The following MCM9 variants were observed in gnomAD, a reference collection of about 807,000 sequenced individuals.
The protein encoded by MCM9 is DNA helicase MCM9.
Under a neutral mutation model 72.8 loss-of-function variants are expected in MCM9, and 55 were observed. The ratio of observed to expected loss-of-function variants is 0.76; its 90% CI spans 0.61 to 0.95. MCM9 has a LOEUF of 0.95. Among genes scored for constraint, MCM9 ranks in the 40% least tolerant of loss-of-function variants. The pLI is 0.00. For synonymous variants in MCM9, 480 were observed against 503.4 expected, an observed-to-expected ratio of 0.95 and a Z score of 0.62; for missense variants, 1,279 against 1,377.0, an observed-to-expected ratio of 0.93 and a Z score of 1.13.
intron 9 of MCM9, among the ~76,000 whole-genome samples, chr6:118,840,475 A>T (rs939538607): frequency 2.6e-5 from 4 of 152,136 alleles, no homozygotes; most frequent in Non-Finnish European, 5.9e-5. Flanking sequence ...GCTACGGCAA[A>T]ACCTATCCCA....
At chr6:118,835,211 T>A (rs762267325) in intron 9 of MCM9, among the ~76,000 whole-genome samples, 1 of 152,194 alleles carries the variant, frequency 6.6e-6, no homozygotes, top group Non-Finnish European at 1.5e-5. Flanking sequence ...GGTCTATATA[T>A]CTGTTTTTGG....
chr6:118,877,277 A>T (rs1226429435), intron 8 of MCM9, among the ~76,000 whole-genome samples: 1 of 152,248 alleles, frequency 6.6e-6, no homozygotes, highest in Non-Finnish European at 1.5e-5. Flanking sequence ...CAAATTGCAG[A>T]TCTGTAAACA....
At chr6:118,895,867 C>T (rs1779362631) in intron 8 of MCM9, among the ~76,000 whole-genome samples, 1 of 151,932 alleles carries the variant, frequency 6.6e-6, no homozygotes, top group African/African-American at 2.4e-5. Context: ...TTTTTAATCT[C>T]TAAAATGTAT....
chr6:118,852,661 G>A (rs1330007490), intron 9 of MCM9, among the ~76,000 whole-genome samples: 1 of 152,132 alleles, frequency 6.6e-6, no homozygotes, highest in Admixed American at 6.5e-5. Context: ...AACTTCAATA[G>A]CAACTGGGCA....
intron 9 of MCM9, among the ~76,000 whole-genome samples, chr6:118,845,138 A>G (rs1775769434): frequency 6.6e-6 from 1 of 151,778 alleles, no homozygotes; most frequent in South Asian, 2.1e-4. Context: ...AGGAAGGAGA[A>G]CTCATCTACT....
At chr6:118,893,940 TC>T (rs1779139757) in intron 8 of MCM9, 1 of 891,084 alleles carries the variant, frequency 1.1e-6, no homozygotes, top group South Asian at 5.0e-5. Context: ...CAGCCACGCC[TC>T]CCCGCCGCGG....
intron 13 of MCM9, among the ~76,000 whole-genome samples, chr6:118,820,216 G>A (rs977346753): frequency 2.6e-5 from 4 of 151,844 alleles, no homozygotes; most frequent in African/African-American, 9.7e-5. Context: ...GTGATGTTAG[G>A]GTGTCAATTT....
Position 118,856,508 on chromosome 6 carries a change from C to T in MCM9, c.1188G>A (p.Trp396Ter), listed in dbSNP as rs762984976. The change falls in exon 9 of 14, where the codon TGG (tryptophan) becomes TGA (stop). Residue 396 changes from tryptophan to a stop codon, truncating the protein, a stop_gained. Transcript: ENST00000619706. LOFTEE classifies it high-confidence loss of function. ...TVTAVKDSGE[W>*]NLEAGALVLA... ...GAACTAATGCCCCAGCCTCCAAATT[C>T]CATTCTCCTGAGTCTTTTACAGCAG... 3 of 1,535,650 alleles carry T rather than the reference C, an allele frequency of 2.0e-6. No homozygotes were observed. The South Asian group carries it at 3.6e-5, about 18-fold the overall frequency.
intron 13 of MCM9, 73 bp downstream of exon 13, chr6:118,826,074 A>G: frequency 6.8e-7 from 1 of 1,478,176 alleles, no homozygotes; most frequent in South Asian, 1.3e-5. Context: ...CACTTAATGC[A>G]CACTTGCTTT....
intron 8 of MCM9, chr6:118,894,273 GA>G: frequency 6.8e-7 from 1 of 1,462,744 alleles, no homozygotes; most frequent in Middle Eastern, 2.2e-4. Context: ...ATAAAAAGAG[GA>G]AAAAAGTTTC....
chr6:118,933,158 T>C lies in MCM9; in HGVS notation c.-149-418A>G, dbSNP rs886762418. Among the ~76,000 whole-genome samples the C allele has an allele frequency of 3.3e-5, 5 of 152,070 alleles. No homozygotes were observed. The South Asian group carries it at 1.0e-3, about 32-fold the overall frequency. ...AGGTTAAATTTAAATGAGGTGACGA[T>C]CTCAGAAGTAGCACTGGACAGTTAG... On this transcript the variant is annotated intron_variant, in intron 1 of 13. Coordinates refer to ENST00000619706, the MANE Select transcript of MCM9 (RefSeq NM_017696.3).
rs1773331878 is a variant in MCM9 at position 118,815,222 on chromosome 6, CA to C, written c.3033del (p.Glu1012ArgfsTer9). On this transcript the variant is annotated frameshift_variant, in exon 14 of 14. Coordinates refer to ENST00000619706, the MANE Select transcript of MCM9 (RefSeq NM_017696.3). LOFTEE classifies it low-confidence loss of function (END_TRUNC). ...HGPREKVMCA[P>X]EKRIIQPELE... ...AATTCAGGCTGAATAATCCTCTTCT[CA>C]GGGGCACACATCACCTTCTCTCTTG... 10 of 1,550,670 alleles carry C rather than the reference CA, an allele frequency of 6.4e-6. No individual in the cohort carries two copies. Among genetic ancestry groups the C allele is most frequent in the Non-Finnish European group, 8.7e-6 (10 of 1,146,978 alleles).
At chr6:118,858,600 A>C (rs1776715726) in intron 8 of MCM9, among the ~76,000 whole-genome samples, 2 of 152,306 alleles carry the variant, frequency 1.3e-5, no homozygotes, top group African/African-American at 4.8e-5. Flanking sequence ...ATATGATTAG[A>C]TAGAAAATCC....
At chr6:118,852,633 G>A (rs1021806136) in intron 9 of MCM9, among the ~76,000 whole-genome samples, 1 of 152,194 alleles carries the variant, frequency 6.6e-6, no homozygotes, top group Non-Finnish European at 1.5e-5. Context: ...ATGAGTATGG[G>A]AAGAGTAAGT....
At chr6:118,933,799 G>A (rs1782658152) in intron 1 of MCM9, among the ~76,000 whole-genome samples, 1 of 152,038 alleles carries the variant, frequency 6.6e-6, no homozygotes, top group Non-Finnish European at 1.5e-5. Flanking sequence ...CACTATAGGA[G>A]GCCAGAGTGA....
intron 6 of MCM9, among the ~76,000 whole-genome samples, chr6:118,914,538 AT>A (rs771727657): frequency 1.9e-4 from 29 of 152,174 alleles, no homozygotes; most frequent in Non-Finnish European, 3.2e-4. Context: ...GAACCAGAAG[AT>A]TTAGTAAATC....
At chr6:118,843,686 G>GTATGTATATATA (rs1342376738) in intron 9 of MCM9, among the ~76,000 whole-genome samples, 6 of 31,224 alleles carry the variant, frequency 1.9e-4, no homozygotes, top group South Asian at 1.1e-3. Flanking sequence ...ATATATATAT[G>GTATGTATATATA]TGTATATATA....
At chr6:118,886,620 T>C (rs539860665) in intron 8 of MCM9, among the ~76,000 whole-genome samples, 9 of 151,912 alleles carry the variant, frequency 5.9e-5, no homozygotes, top group Non-Finnish European at 1.0e-4. Context: ...GAATAAAATA[T>C]GTAGGAATAA....
At chr6:118,894,797 C>G (rs1347800427) in intron 8 of MCM9, among the ~76,000 whole-genome samples, 2 of 152,206 alleles carry the variant, frequency 1.3e-5, no homozygotes, top group East Asian at 3.9e-4. Flanking sequence ...GGGCGGGCAG[C>G]TCGGAGACCC....
Sources: allele counts gnomAD v4.1 joint callset (sites outside exome capture counted in the v4.1 genomes callset), GRCh38; gene constraint gnomAD v4.1.1; transcripts MANE v1.5; gene names NCBI Gene and HGNC (gene_info 2026-07-23, HGNC 2026-07-21).